The following CLEC4A variants were observed in gnomAD, a reference collection of about 807,000 sequenced individuals.
CLEC4A encodes the protein C-type lectin domain family 4 member A.
CLEC4A carries 27 observed loss-of-function variants against 32.7 expected under a neutral mutation model. The ratio of observed to expected loss-of-function variants is 0.83; its 90% CI spans 0.61 to 1.14. The LOEUF (loss-of-function observed/expected upper bound fraction) is 1.14, where lower values mean the gene tolerates loss of function less well. Ranked by LOEUF, CLEC4A falls within the 50% of genes most tolerant of loss-of-function variation. The probability of loss-of-function intolerance (pLI) is 0.00; values close to 1 mark genes in which losing one functional copy is unlikely to be tolerated. For missense variants in CLEC4A, 253 were observed against 274.6 expected (o/e 0.92, Z 0.55); for synonymous variants, 89 against 93.7 (o/e 0.95, Z 0.29).
At chr12:8,127,056 C>T (rs903369732) in intron 2 of CLEC4A, among the ~76,000 whole-genome samples, 1 of 152,208 alleles carries the variant, frequency 6.6e-6, no homozygotes, top group Non-Finnish European at 1.5e-5. Flanking sequence ...AAAACAGCAA[C>T]TATTTATTTA....
the CLEC4A span, among the ~76,000 whole-genome samples, chr12:8,108,814 C>A: frequency 5.9e-5 from 9 of 152,116 alleles, no homozygotes; most frequent in African/African-American, 1.9e-4. Flanking sequence ...CTAAGGATAA[C>A]ATCATCCCCT....
intron 5 of CLEC4A, among the ~76,000 whole-genome samples, chr12:8,137,468 T>C (rs1948142784): frequency 6.6e-6 from 1 of 152,172 alleles, no homozygotes; most frequent in South Asian, 2.1e-4. Context: ...ATGCTTCTTA[T>C]GAAGCAAAAA....
the CLEC4A span, among the ~76,000 whole-genome samples, chr12:8,115,804 T>G: frequency 6.6e-6 from 1 of 152,082 alleles, no homozygotes; most frequent in Non-Finnish European, 1.5e-5. Context: ...ATTTAATTTT[T>G]TCTAGACAGA....
rs1228734852 is a variant in CLEC4A at position 8,138,302 on chromosome 12, A to G, written c.*15A>G. The G allele has an allele frequency of 1.2e-6, 2 of 1,613,976 alleles. No homozygotes were observed. The highest frequency in any genetic ancestry group is 1.1e-5 in the South Asian group (1 of 91,048). On this transcript the variant is annotated 3_prime_UTR_variant, in exon 6 of 6. Coordinates refer to ENST00000229332, the MANE Select transcript of CLEC4A (RefSeq NM_016184.4). ...TCCACTTATGAACTGAACATTCTCC[A>G]TGAACAGGTGGTTGGATTGGTATCT...
chr12:8,120,732 C>T (rs1341638378), upstream of CLEC4A, among the ~76,000 whole-genome samples: 2 of 152,080 alleles, frequency 1.3e-5, no homozygotes, highest in African/African-American at 2.4e-5. Flanking sequence ...GTACTTGTGC[C>T]CCATTTTGGA....
At chr12:8,138,049 A>G (rs1948156246) in intron 5 of CLEC4A, 91 bp from the exon 6 acceptor site, 1 of 1,408,852 alleles carries the variant, frequency 7.1e-7, no homozygotes, top group Non-Finnish European at 9.6e-7. Context: ...CCTATGTTCC[A>G]TGAAATTCAT....
chr12:8,133,753 C>G (rs1948040666), intron 3 of CLEC4A: 2 of 1,587,340 alleles, frequency 1.3e-6, no homozygotes, highest in African/African-American at 1.3e-5. Flanking sequence ...GTCCCCCATT[C>G]CTAGAAGGGC....
intron 3 of CLEC4A, among the ~76,000 whole-genome samples, chr12:8,131,783 CATTT>C (rs935913508): frequency 2.0e-5 from 3 of 150,646 alleles, no homozygotes; most frequent in African/African-American, 7.3e-5. Flanking sequence ...TTTATATAAT[CATTT>C]AGTTATATCT....
the CLEC4A span, among the ~76,000 whole-genome samples, chr12:8,103,405 T>TTTTTTTTTTTTTTTTTC: frequency 1.0e-5 from 1 of 98,702 alleles, no homozygotes; most frequent in African/African-American, 3.4e-5. Context: ...TTTTTTTTTT[T>TTTTTTTTTTTTTTTTTC]AGACGGAGTC....
the CLEC4A span, among the ~76,000 whole-genome samples, chr12:8,107,854 T>C: frequency 1.3e-5 from 2 of 152,146 alleles, no homozygotes; most frequent in South Asian, 4.1e-4. Flanking sequence ...GATTTCTTGA[T>C]CTTTTGTATG....
the CLEC4A span, among the ~76,000 whole-genome samples, chr12:8,105,351 CTT>C: frequency 1.5e-4 from 20 of 136,104 alleles, no homozygotes; most frequent in Admixed American, 1.5e-4. Context: ...TTTTTCTTTT[CTT>C]TTTTTTTTTT....
chr12:8,118,573 G>A, the CLEC4A span, among the ~76,000 whole-genome samples: 1 of 152,184 alleles, frequency 6.6e-6, no homozygotes, highest in East Asian at 1.9e-4. Context: ...GACCAGAGCA[G>A]GAGGAAGAGA....
chr12:8,126,877 G>A (rs1947910379), intron 2 of CLEC4A, among the ~76,000 whole-genome samples: 1 of 152,192 alleles, frequency 6.6e-6, no homozygotes, highest in Admixed American at 6.5e-5. Flanking sequence ...AACATATGGT[G>A]CTAAGTAAAG....
chr12:8,103,220 T>C, the CLEC4A span, among the ~76,000 whole-genome samples: 42 of 152,176 alleles, frequency 2.8e-4, no homozygotes, highest in Non-Finnish European at 1.5e-4. Flanking sequence ...AAAGCTCTGC[T>C]CATGTTTTTT....
At chr12:8,118,081 G>T in the CLEC4A span, among the ~76,000 whole-genome samples, 1 of 151,880 alleles carries the variant, frequency 6.6e-6, no homozygotes, top group Non-Finnish European at 1.5e-5. Context: ...AAAAAAAAAG[G>T]CAAGGGAGAG....
chr12:8,110,130 T>G, the CLEC4A span, among the ~76,000 whole-genome samples: 2 of 152,208 alleles, frequency 1.3e-5, no homozygotes, highest in Non-Finnish European at 2.9e-5. Context: ...TATCCTGTAT[T>G]TTTTGAGCAC....
At chr12:8,135,342 C>T (rs957936563) in intron 3 of CLEC4A, among the ~76,000 whole-genome samples, 4 of 151,904 alleles carry the variant, frequency 2.6e-5, no homozygotes, top group Admixed American at 6.6e-5. Context: ...AACATGTTTT[C>T]GTAATAGCTG....
At chr12:8,124,680 C>T (rs188882976) in intron 1 of CLEC4A, among the ~76,000 whole-genome samples, 5 of 152,172 alleles carry the variant, frequency 3.3e-5, no homozygotes, top group East Asian at 1.9e-4. Context: ...ACTATAGTTA[C>T]GCTTTCTAAA....
In CLEC4A at chr12:8,125,637, T is replaced by G. The variant is rs1947888667; in HGVS notation, c.159T>G (p.Phe53Leu). The G allele has an allele frequency of 6.2e-7, 1 of 1,613,002 alleles. No homozygotes were observed. The highest frequency in any genetic ancestry group is 8.5e-7 in the Non-Finnish European group (1 of 1,179,100). ...TGCTTTGTGCCTCACTGTTGATATTTTTCCTGCTATTGGCAATCTCATTCT... is the reference window on the plus strand; with the variant it reads ...TGCTTTGTGCCTCACTGTTGATATTGTTCCTGCTATTGGCAATCTCATTCT... ...PKLLCASLLI[F>L]FLLLAISFFI... Residue 53 changes from phenylalanine (F) to leucine (L), a missense_variant, in exon 2 of 6, where the codon TTT (phenylalanine) becomes TTG (leucine). Phe to Leu is a conservative substitution (Grantham distance 22). Coordinates refer to ENST00000229332, the MANE Select transcript of CLEC4A (RefSeq NM_016184.4).
Sources: gnomAD v4.1 joint callset for allele counts (sites outside exome capture counted in the v4.1 genomes callset) on GRCh38, gnomAD v4.1.1 for gene constraint, MANE v1.5 for transcripts, NCBI Gene and HGNC (gene_info 2026-07-23, HGNC 2026-07-21) for gene names.